CNOT10: variants seen among roughly 807,000 people sequenced by gnomAD.
The protein encoded by CNOT10 is CCR4-NOT transcription complex subunit 10, also known as CCR4-NOT transcription complex, subunit 10.
CNOT10 carries 30 observed loss-of-function variants against 94.6 expected under a neutral mutation model. The observed-to-expected ratio is 0.32, with a 90% CI of 0.24 to 0.43. The LOEUF (loss-of-function observed/expected upper bound fraction) is 0.43, where lower values mean the gene tolerates loss of function less well. Ranked by LOEUF, CNOT10 falls within the 20% of genes least tolerant of loss-of-function variation. The pLI, the probability that CNOT10 is intolerant of heterozygous loss-of-function variation, is 1.00. For missense variants in CNOT10, 759 were observed against 877.2 expected, an observed-to-expected ratio of 0.87 and a Z score of 1.70; for synonymous variants, 289 against 301.6, an observed-to-expected ratio of 0.96 and a Z score of 0.43.
At chr3:32,723,317 G>A (rs1453838024) in intron 8 of CNOT10, among the ~76,000 whole-genome samples, 1 of 151,668 alleles carries the variant, frequency 6.6e-6, no homozygotes, top group East Asian at 1.9e-4. Context: ...GCATGAACCC[G>A]GGAGGCAGAG....
chr3:32,751,098 A>C (rs1699943816), intron 13 of CNOT10, among the ~76,000 whole-genome samples: 1 of 151,230 alleles, frequency 6.6e-6, no homozygotes, highest in African/African-American at 2.4e-5. Context: ...ACAAAATTTC[A>C]ATGAAAAAAA....
At chr3:32,749,397 T>A (rs1699856597) in intron 13 of CNOT10, among the ~76,000 whole-genome samples, 2 of 138,710 alleles carry the variant, frequency 1.4e-5, no homozygotes, top group Non-Finnish European at 3.0e-5. Context: ...TTGATCCATG[T>A]TGAGTTAATT....
chr3:32,773,485 C>G lies in CNOT10; in HGVS notation c.2109C>G (p.Ile703Met). ...ATACTCAGCTGGCCTTACAGATCAT[C>G]AAAAGGAATCAGCTGCTCCCTGCAG... ...NGNTQLALQI[I>M]KRNQLLPAVK... Residue 703 changes from isoleucine (I) to methionine (M), a missense_variant, in exon 19 of 19, where the codon ATC (isoleucine) becomes ATG (methionine). Around this residue, in one of 3 missense-constraint regions of CNOT10, gnomAD observed 73 missense variants for 61.0 expected, o/e 1.20. Coordinates refer to ENST00000328834, the MANE Select transcript of CNOT10 (RefSeq NM_015442.3). The G allele has an allele frequency of 1.2e-6, 2 of 1,613,496 alleles. No homozygotes were observed. The highest frequency in any genetic ancestry group is 1.7e-6 in the Non-Finnish European group (2 of 1,179,848).
chr3:32,727,120 C>T (rs899378373), intron 9 of CNOT10, among the ~76,000 whole-genome samples: 1 of 151,950 alleles, frequency 6.6e-6, no homozygotes, highest in African/African-American at 2.4e-5. Flanking sequence ...GCTGGGATTA[C>T]AGGCGTGAGC....
At chr3:32,703,083 T>TA (rs1384713927) in intron 1 of CNOT10, among the ~76,000 whole-genome samples, 2 of 149,052 alleles carry the variant, frequency 1.3e-5, no homozygotes, top group Non-Finnish European at 3.0e-5. Flanking sequence ...AGCTAATTTT[T>TA]TTTTTTTTTT....
intron 13 of CNOT10, among the ~76,000 whole-genome samples, chr3:32,738,625 G>A (rs1425076551): frequency 6.6e-6 from 1 of 151,886 alleles, no homozygotes; most frequent in African/African-American, 2.4e-5. Flanking sequence ...ACCACACAGG[G>A]CTAATTTTTT....
intron 1 of CNOT10, among the ~76,000 whole-genome samples, chr3:32,690,269 C>CT (rs1007894172): frequency 3.5e-4 from 53 of 152,030 alleles, no homozygotes; most frequent in African/African-American, 1.2e-3. Context: ...TTCAAGAAGT[C>CT]TTTTTTTTAA....
rs78758967 is a variant in CNOT10 at position 32,719,990 on chromosome 3, T to G, written c.745-124T>G. ...AATGAAAAATTTAGAGACTATATAA[T>G]TTTTTGTGACTGACTTAATTGATTC... is the stretch of plus-strand genomic sequence containing the variant. On this transcript the variant is annotated intron_variant, in intron 7 of 18. Coordinates refer to ENST00000328834, the MANE Select transcript of CNOT10 (RefSeq NM_015442.3). 116 of 483,546 alleles carry G rather than the reference T, an allele frequency of 2.4e-4. 1 individual carries two copies. In the East Asian group the frequency reaches 3.3e-3, roughly 14 times the overall value. 30.0% of individuals were successfully genotyped at this position (483,546 alleles called of 1,614,324 possible). A position where few individuals can be genotyped will look rare whatever the true frequency, so the allele number is the denominator to read the frequency against.
At chr3:32,766,763 T>C (rs1311466805) in intron 17 of CNOT10, among the ~76,000 whole-genome samples, 1 of 151,908 alleles carries the variant, frequency 6.6e-6, no homozygotes, top group Non-Finnish European at 1.5e-5. Context: ...ACCACTGAAA[T>C]GGTGCATCAT....
chr3:32,767,301 C>G (rs974150631), intron 17 of CNOT10, among the ~76,000 whole-genome samples: 5 of 152,022 alleles, frequency 3.3e-5, no homozygotes, highest in Non-Finnish European at 7.4e-5. Flanking sequence ...GGCAGATCAC[C>G]TGAGGTCAGG....
rs548952825 is a variant in CNOT10 at position 32,749,751 on chromosome 3, C to T, written c.1596-9707C>T. 2.0e-5 allele frequency among the ~76,000 whole-genome samples: 3 copies of T among 151,884 alleles called. No individual in the cohort carries two copies. The East Asian group carries it at 5.8e-4, about 29-fold the overall frequency. On this transcript the variant is annotated intron_variant, in intron 13 of 18. Transcript: ENST00000328834. ...TTTATAGATGAGGAAAGATAAGGCT[C>T]AACTTCATTTTTTTTTGCATACTAC...
rs747304189 is a variant in CNOT10 at position 32,704,845 on chromosome 3, C to G, written c.152C>G (p.Ala51Gly). The G allele has an allele frequency of 1.3e-5, 20 of 1,566,726 alleles. No individual in the cohort carries two copies. Among genetic ancestry groups the G allele is most frequent in the Non-Finnish European group, 1.7e-5 (20 of 1,165,956 alleles). ...TATGATGCCTGTCTACAACACCTTG[C>G]CTGTCTACAAGATATAAACAAAGAT... ...GNYDACLQHLACLQDINKDDY... is the reference protein window; with the variant it reads ...GNYDACLQHLGCLQDINKDDY... The change falls in exon 3 of 19, where the codon GCC becomes GGC. Residue 51 changes from alanine to glycine, a missense_variant. Coordinates refer to ENST00000328834, the MANE Select transcript of CNOT10 (RefSeq NM_015442.3).
In CNOT10 at chr3:32,734,947, A is replaced by T. The variant is rs765069638; in HGVS notation, c.1485A>T (p.Thr495=). The change falls in exon 12 of 19, where the codon ACA becomes ACT. Residue 495 remains threonine, a synonymous_variant. Transcript: ENST00000328834. ...AKNSNQLGGN[T]ESSESSETCS... The stretch of plus-strand genomic sequence containing the variant: ...ATAGTAATCAATTAGGTGGGAACAC[A>T]GAGAGCAGCGAAAGCAGTGAAACTT... 1.9e-6 allele frequency: 3 copies of T among 1,613,986 alleles called. No individual in the cohort carries two copies. The Admixed American group carries it at 5.0e-5, about 27-fold the overall frequency.
At position 32,685,266 on chromosome 3, in the gene CNOT10, C is replaced by T. The variant is rs113437644; in HGVS notation, c.-195C>T. On this transcript the variant is annotated 5_prime_UTR_variant, in exon 1 of 19. Transcript: ENST00000328834. ...CGGTCCCTTGGTGGGGAAGCTGTTGCTGTTGCTAGACGACGGGAACTAGCT... is the reference window on the plus strand; with the variant it reads ...CGGTCCCTTGGTGGGGAAGCTGTTGTTGTTGCTAGACGACGGGAACTAGCT... The T allele has an allele frequency of 3.9e-5, 22 of 570,170 alleles. No homozygotes were observed. Among genetic ancestry groups the T allele is most frequent in the African/African-American group, 3.3e-4 (17 of 52,010 alleles). 35.3% of individuals were successfully genotyped at this position (570,170 alleles called of 1,614,324 possible).
At position 32,764,436 on chromosome 3, in the gene CNOT10, T is replaced by A. The variant is rs1477251319; in HGVS notation, c.1841-19T>A. 6.2e-7 allele frequency: 1 copy of A among 1,613,416 alleles called. No individual in the cohort carries two copies. Among genetic ancestry groups the A allele is most frequent in the Non-Finnish European group, 8.5e-7 (1 of 1,179,766 alleles). On this transcript the variant is annotated intron_variant, in intron 15 of 18. Transcript: ENST00000328834. ...GCTCTGTTGTTCTGCCCCTCAGATT[T>A]ATTTTCGTGTTTTTGTAGGATCAGA...
intron 13 of CNOT10, among the ~76,000 whole-genome samples, chr3:32,746,836 CAA>C (rs71630540): frequency 0.13 from 10,567 of 84,428 alleles, 401 homozygotes; most frequent in Non-Finnish European, 0.17. Flanking sequence ...GACTCCGTCT[CAA>C]AAAAAAAAAA....
intron 8 of CNOT10, 27 bp downstream of exon 8, chr3:32,720,258 T>G: frequency 2.2e-6 from 2 of 899,526 alleles, no homozygotes; most frequent in South Asian, 2.3e-5. Context: ...AAATTTTAAC[T>G]TTTTTTTGCC....
chr3:32,759,039 G>A (rs1215871958), intron 13 of CNOT10, among the ~76,000 whole-genome samples: 2 of 151,994 alleles, frequency 1.3e-5, no homozygotes, highest in African/African-American at 4.8e-5. Context: ...AATATATGTA[G>A]AAAGAATAAG....
chr3:32,735,538 C>T (rs1471039334), intron 12 of CNOT10, among the ~76,000 whole-genome samples: 1 of 152,014 alleles, frequency 6.6e-6, no homozygotes, highest in African/African-American at 2.4e-5. Context: ...GAAACCCCGT[C>T]TCTACTAAAA....
Sources: allele counts gnomAD v4.1 joint callset (sites outside exome capture counted in the v4.1 genomes callset), GRCh38; gene constraint gnomAD v4.1.1; regional missense constraint gnomAD v4.1.1; transcripts MANE v1.5; gene names NCBI Gene and HGNC (gene_info 2026-07-23, HGNC 2026-07-21).